The following COL2A1 variants were observed in gnomAD, a reference collection of about 807,000 sequenced individuals.
The protein encoded by COL2A1 is collagen alpha-1(II) chain.
In COL2A1, 28 loss-of-function variants were observed where a neutral mutation model predicts 204.5. That is an observed-to-expected ratio of 0.14 (90% CI 0.10 to 0.19). The LOEUF (loss-of-function observed/expected upper bound fraction) is 0.19. Ranked by LOEUF, COL2A1 falls within the 10% of genes least tolerant of loss-of-function variation. The pLI is 1.00. For missense variants in COL2A1, 1,388 were observed against 2,027.5 expected (o/e 0.68, Z 6.06); for synonymous variants, 708 against 718.7 (o/e 0.99, Z 0.24).
intron 16 of COL2A1, 39 bp from the exon 17 acceptor site, chr12:47,989,844 A>C: frequency 1.2e-6 from 2 of 1,602,942 alleles, no homozygotes; most frequent in East Asian, 2.2e-5. Context: ...AGGTGCCCAC[A>C]GGCCCTGTCC....
At position 47,980,896 on chromosome 12, in the gene COL2A1, G is replaced by A; in HGVS notation, c.2517+19C>T. ...TGGCCTGAGTGGAGGGACCCAGGAG[G>A]ATGGACAGAGATACTCACAGGAGGC... On this transcript the variant is annotated intron_variant, in intron 38 of 53. Transcript: ENST00000380518. The surrounding 1 kb of genome is among the most constrained non-coding windows in gnomAD (Gnocchi z 4.5). The A allele has an allele frequency of 6.4e-7, 1 of 1,552,238 alleles. No individual in the cohort carries two copies. The highest frequency in any genetic ancestry group is 8.7e-7 in the Non-Finnish European group (1 of 1,147,364).
At chr12:47,982,650 C>T (rs1320456832) in intron 33 of COL2A1, 41 bp from the exon 34 acceptor site, 12 of 1,457,026 alleles carry the variant, frequency 8.2e-6, no homozygotes, top group Non-Finnish European at 1.1e-5. Flanking sequence ...TGGACAGCAC[C>T]TCTCCCTGAA....
At position 47,989,792 on chromosome 12, in the gene COL2A1, T is replaced by G; in HGVS notation, c.1037A>C (p.Asn346Thr). ...CCCTGCGGGGCCTGGCTGACCATCG[T>G]TGCCTCGGGCACCCTGTGAGCAAGA... ...GPAGAAGARGNDGQPGPAGPP... is the reference protein window; with the variant it reads ...GPAGAAGARGTDGQPGPAGPP... The change falls in exon 17 of 54, where the codon AAC becomes ACC. Residue 346 changes from asparagine (N) to threonine (T), a missense_variant. Asn to Thr is a moderately conservative substitution (Grantham distance 65, BLOSUM62 0). Coordinates refer to ENST00000380518, the MANE Select transcript of COL2A1 (RefSeq NM_001844.5). 2 of 1,613,422 alleles carry G rather than the reference T, an allele frequency of 1.2e-6. No individual in the cohort carries two copies. Among genetic ancestry groups the G allele is most frequent in the Non-Finnish European group, 1.7e-6 (2 of 1,179,978 alleles).
chr12:47,986,692 T>C (rs1448722562), intron 22 of COL2A1, 143 bp downstream of exon 22: 2 of 995,008 alleles, frequency 2.0e-6, no homozygotes, highest in African/African-American at 3.2e-5. Flanking sequence ...TCAGCCCTGT[T>C]AAGTCTCCTC....
At chr12:47,977,789 C>T (rs1235592643) in intron 44 of COL2A1, 136 bp from the exon 45 acceptor site, 15 of 1,088,436 alleles carry the variant, frequency 1.4e-5, no homozygotes, top group Non-Finnish European at 2.1e-5. Context: ...AAAGTTTCCT[C>T]ACCAAGTTTC....
Position 47,978,564 on chromosome 12 carries a change from G to A in COL2A1, c.2895+33C>T. 1 of 1,613,160 alleles carries A rather than the reference G, an allele frequency of 6.2e-7. No individual in the cohort carries two copies. The highest frequency in any genetic ancestry group is 1.3e-5 in the African/African-American group (1 of 75,052). On this transcript the variant is annotated intron_variant, in intron 42 of 53. Coordinates refer to ENST00000380518, the MANE Select transcript of COL2A1 (RefSeq NM_001844.5). The surrounding 1 kb of genome is among the most constrained non-coding windows in gnomAD (Gnocchi z 5.5). ...GAAGCCACTCACGACCCTGCTCCCAGGGACCTTGGCATGGGCCTGGTGAGG... is the reference window on the plus strand; with the variant it reads ...GAAGCCACTCACGACCCTGCTCCCAAGGACCTTGGCATGGGCCTGGTGAGG...
chr12:47,974,929 C>A, intron 51 of COL2A1, 67 bp from the exon 52 acceptor site: 1 of 1,512,562 alleles, frequency 6.6e-7, no homozygotes, highest in Non-Finnish European at 9.0e-7. Context: ...TTGAGAGACC[C>A]AGGCCTGACT....
In COL2A1 at chr12:47,987,569, C is replaced by A. The variant is rs779282224; in HGVS notation, c.1221+42G>T. 3 of 1,536,882 alleles carry A rather than the reference C, an allele frequency of 2.0e-6. No individual in the cohort carries two copies. The highest frequency in any genetic ancestry group is 2.7e-6 in the Non-Finnish European group (3 of 1,119,892). ...TACAGAGTCAAGAGTTCCAAAGCCA[C>A]AGACCCCAGACCCCCCCAGGCCAAA... On this transcript the variant is annotated intron_variant, in intron 19 of 53. Coordinates refer to ENST00000380518, the MANE Select transcript of COL2A1 (RefSeq NM_001844.5). The surrounding 1 kb of genome is among the most constrained non-coding windows in gnomAD (Gnocchi z 4.1).
intron 22 of COL2A1, among the ~76,000 whole-genome samples, 174 bp from the exon 23 acceptor site, chr12:47,986,617 C>A (rs1004711948): frequency 1.3e-5 from 2 of 152,122 alleles, no homozygotes; most frequent in African/African-American, 4.8e-5. Context: ...GTGAGAGGGG[C>A]TAAAGATCCA....
At chr12:47,982,246 G>A in intron 34 of COL2A1, 86 bp from the exon 35 acceptor site, 1 of 1,222,610 alleles carries the variant, frequency 8.2e-7, no homozygotes, top group Non-Finnish European at 1.2e-6. Context: ...GGGGTGCTAG[G>A]GAAAGCCCAG....
In COL2A1 at chr12:47,996,582, C is replaced by G; in HGVS notation, c.575G>C (p.Gly192Ala). The G allele has an allele frequency of 6.2e-7, 1 of 1,614,216 alleles. No individual in the cohort carries two copies. Among genetic ancestry groups the G allele is most frequent in the Non-Finnish European group, 8.5e-7 (1 of 1,180,032 alleles). Residue 192 changes from glycine (G) to alanine (A), a missense_variant, in exon 8 of 54, where the codon GGT (glycine) becomes GCT (alanine). Gly to Ala is a moderately conservative substitution (Grantham distance 60, BLOSUM62 0). Around this residue, in one of 3 missense-constraint regions of COL2A1, gnomAD observed 884 missense variants for 1,415.8 expected, o/e 0.62. Transcript: ENST00000380518. ...QMAGGFDEKA[G>A]GAQLGVMQGP... ...TTGCATTACTCCCAACTGGGCGCCA[C>G]CAGCCTTTTCATCAAATCCTCCAGC...
At chr12:47,986,799 A>T (rs1162336001) in intron 22 of COL2A1, 36 bp downstream of exon 22, 1 of 1,612,990 alleles carries the variant, frequency 6.2e-7, no homozygotes, top group Admixed American at 1.7e-5. Flanking sequence ...ATAGAACAGC[A>T]GCAGAGAAGA....
intron 7 of COL2A1, among the ~76,000 whole-genome samples, chr12:47,996,894 T>G (rs1939991281): frequency 1.3e-5 from 2 of 152,340 alleles, no homozygotes; most frequent in Middle Eastern, 3.4e-3. Flanking sequence ...ATAAAATTAT[T>G]TTTATGCTCT....
At chr12:47,982,034 C>A (rs1939120481) in intron 35 of COL2A1, 73 bp downstream of exon 35, 2 of 1,498,018 alleles carry the variant, frequency 1.3e-6, no homozygotes, top group African/African-American at 2.8e-5. Flanking sequence ...ACTGCCCAGC[C>A]CTCTCTCCTG....
At position 47,978,385 on chromosome 12, in the gene COL2A1, G is replaced by T; in HGVS notation, c.2909C>A (p.Pro970Gln). The T allele has an allele frequency of 6.2e-7, 1 of 1,613,992 alleles. No individual in the cohort carries two copies. Among genetic ancestry groups the T allele is most frequent in the Non-Finnish European group, 8.5e-7 (1 of 1,179,984 alleles). ...GDDGPSGAEG[P>Q]PGPQGLAGQR... ...ACCAGCCAGACCCTGGGGACCTGGT[G>T]GACCTTCGGCACCCTGAGAGAGGAG... is the stretch of plus-strand genomic sequence containing the variant. The change falls in exon 43 of 54, where the codon CCA (proline) becomes CAA (glutamine). Residue 970 changes from proline to glutamine, a missense_variant. Around this residue, in one of 3 missense-constraint regions of COL2A1, gnomAD observed 884 missense variants for 1,415.8 expected, o/e 0.62. Coordinates refer to ENST00000380518, the MANE Select transcript of COL2A1 (RefSeq NM_001844.5). The surrounding 1 kb of genome is among the most constrained non-coding windows in gnomAD (Gnocchi z 5.5).
intron 9 of COL2A1, 31 bp from the exon 10 acceptor site, chr12:47,995,794 TC>T: frequency 6.2e-7 from 1 of 1,613,274 alleles, no homozygotes; most frequent in Non-Finnish European, 8.5e-7. Flanking sequence ...ACCAGGTCAA[TC>T]CCTATAAACT....
intron 17 of COL2A1, 96 bp downstream of exon 17, chr12:47,989,665 G>T: frequency 9.8e-7 from 1 of 1,025,166 alleles, no homozygotes; most frequent in Non-Finnish European, 1.6e-6. Context: ...GAGTGCTGCT[G>T]TGGTTGCACC....
In COL2A1 at chr12:47,995,927, G is replaced by A. The variant is rs369362701; in HGVS notation, c.610-8C>T. Reference sequence around the variant, plus strand: ...TCGAGGTCCCATGGGGCCCTGCATCGGAACAGAAAATGAGGGGTTTACTAC... The same window carrying A: ...TCGAGGTCCCATGGGGCCCTGCATCAGAACAGAAAATGAGGGGTTTACTAC... On this transcript the variant is annotated splice_polypyrimidine_tract_variant and splice_region_variant and intron_variant, in intron 8 of 53. Transcript: ENST00000380518. 3.7e-5 allele frequency: 59 copies of A among 1,611,986 alleles called. No homozygotes were observed. The highest frequency in any genetic ancestry group is 3.5e-4 in the African/African-American group (26 of 74,938).
chr12:47,989,411 C>T (rs894085862), intron 17 of COL2A1, 130 bp from the exon 18 acceptor site: 4 of 865,180 alleles, frequency 4.6e-6, no homozygotes, highest in Non-Finnish European at 7.7e-6. Flanking sequence ...GGCTAAAAGG[C>T]CTTGGATGAA....
Sources: allele counts gnomAD v4.1 joint callset (sites outside exome capture counted in the v4.1 genomes callset), GRCh38; gene constraint gnomAD v4.1.1; regional missense constraint gnomAD v4.1.1; non-coding constraint Gnocchi (gnomAD v3.1); transcripts MANE v1.5; gene names NCBI Gene and HGNC (gene_info 2026-07-23, HGNC 2026-07-21).